Variants in PRH1 observed in about 807,000 individuals in gnomAD.
PRH1 encodes the protein salivary acidic proline-rich phosphoprotein 1/2.
PRH1 carries 7 observed loss-of-function variants against 7.9 expected under a neutral mutation model. The observed-to-expected ratio is 0.89, with a 90% CI of 0.50 to 1.67. PRH1 has a LOEUF of 1.67. Ranked by LOEUF, PRH1 falls within the 40% of genes most tolerant of loss-of-function variation. The pLI, the probability that PRH1 is intolerant of heterozygous loss-of-function variation, is 0.00. For missense variants in PRH1, 109 were observed against 223.6 expected (o/e 0.49, Z 3.27); for synonymous variants, 45 against 80.8 (o/e 0.56, Z 2.38).
intron 2 of PRH1, among the ~76,000 whole-genome samples, chr12:10,903,367 C>T (rs2135813224): frequency 6.6e-6 from 1 of 152,120 alleles, no homozygotes; most frequent in East Asian, 1.9e-4. Flanking sequence ...AAACAAGTAC[C>T]TCCAAACCTA....
intron 1 of PRH1, chr12:11,076,787 T>G (rs1420241608): frequency 8.7e-6 from 1 of 115,218 alleles, no homozygotes; most frequent in Non-Finnish European, 2.1e-5. Context: ...TCACTAAAAT[T>G]TTATTGTGTG....
intron 1 of PRH1, chr12:11,077,748 C>T (rs1161019899): frequency 8.2e-7 from 1 of 1,213,536 alleles, no homozygotes; most frequent in East Asian, 2.3e-5. Context: ...TCAATTTGAT[C>T]TTCCAAGTCA....
At chr12:10,965,364 C>A (rs1193758350) in intron 2 of PRH1, 2 of 1,089,132 alleles carry the variant, frequency 1.8e-6, no homozygotes, top group East Asian at 4.0e-5. Flanking sequence ...TCTGAACAGA[C>A]AAAAAGATAG....
intron 1 of PRH1, among the ~76,000 whole-genome samples, chr12:11,054,359 A>G (rs1230369139): frequency 1.3e-5 from 2 of 152,192 alleles, no homozygotes; most frequent in Non-Finnish European, 2.9e-5. Flanking sequence ...AAAGTGTATA[A>G]GCTTCATCTT....
At chr12:11,061,787 T>C (rs200171449) in intron 1 of PRH1, 3 of 1,482,672 alleles carry the variant, frequency 2.0e-6, no homozygotes, top group Middle Eastern at 1.7e-4. Context: ...TACATTGCAC[T>C]CCTCAGTTTG....
chr12:10,891,254 C>A (rs943278846), intron 2 of PRH1, among the ~76,000 whole-genome samples: 2 of 152,148 alleles, frequency 1.3e-5, no homozygotes, highest in African/African-American at 2.4e-5. Flanking sequence ...GAATAAGCAT[C>A]TGAATGTAAC....
At chr12:11,072,596 G>A (rs1944123474) in intron 1 of PRH1, among the ~76,000 whole-genome samples, 5 of 152,200 alleles carry the variant, frequency 3.3e-5, no homozygotes. Context: ...TACAGGGGAT[G>A]GTAGTCTTTT....
chr12:10,930,136 T>A, intron 2 of PRH1: 1 of 1,065,164 alleles, frequency 9.4e-7, no homozygotes, highest in Non-Finnish European at 1.4e-6. Flanking sequence ...TCCGGTAGCA[T>A]CAGAGAGTGG....
intron 2 of PRH1, among the ~76,000 whole-genome samples, 157 bp downstream of exon 2, chr12:10,882,904 C>T (rs35891122): frequency 0.017 from 2,549 of 152,138 alleles, 67 homozygotes; most frequent in Admixed American, 0.068. Flanking sequence ...ACTCATGGTC[C>T]CCAGAATCAA....
At chr12:11,044,910 G>T (rs911864203) in intron 1 of PRH1, among the ~76,000 whole-genome samples, 1 of 152,034 alleles carries the variant, frequency 6.6e-6, no homozygotes, top group East Asian at 1.9e-4. Flanking sequence ...TTTCTTAAAA[G>T]ACAAAAATTA....
At chr12:11,061,093 A>T (rs761399009) in intron 1 of PRH1, among the ~76,000 whole-genome samples, 1 of 152,148 alleles carries the variant, frequency 6.6e-6, no homozygotes, top group Non-Finnish European at 1.5e-5. Context: ...AATTTTTGTC[A>T]TATTTTGTAT....
rs1390525504 is a variant in PRH1, at chr12:11,096,338, T to C, written n.124-49150A>G. Among the ~76,000 whole-genome samples, 3 of 115,824 alleles carry C rather than the reference T, an allele frequency of 2.6e-5. 1 individual carries two copies. The highest frequency in any genetic ancestry group is 4.1e-5 in the Non-Finnish European group (2 of 48,938). 76.0% of individuals were successfully genotyped at this position (115,824 alleles called of 152,430 possible). The stretch of plus-strand genomic sequence containing the variant: ...ATGTTTAACTGGTTGTTAACGCTAT[T>C]GGATTCTCAAAATTGATGACCCTTT... On this transcript the variant is annotated intron_variant and non_coding_transcript_variant, in intron 1 of 4. Coordinates refer to the PRH1 transcript ENST00000541977.
At chr12:11,130,760 T>C (rs543091043) in intron 1 of PRH1, among the ~76,000 whole-genome samples, 1 of 152,266 alleles carries the variant, frequency 6.6e-6, no homozygotes, top group South Asian at 2.1e-4. Flanking sequence ...GTATACTCTG[T>C]CTGAAAAGCC....
intron 1 of PRH1, among the ~76,000 whole-genome samples, chr12:11,081,544 G>C (rs1430685923): frequency 8.6e-6 from 1 of 116,024 alleles, no homozygotes; most frequent in African/African-American, 2.9e-5. Context: ...CCTTCAATTT[G>C]AAAGAAACTA....
chr12:11,065,892 G>T (rs913649468), intron 1 of PRH1, among the ~76,000 whole-genome samples: 2 of 152,126 alleles, frequency 1.3e-5, no homozygotes, highest in Admixed American at 6.6e-5. Flanking sequence ...CTTGTCTGTT[G>T]CTGGGTCATC....
chr12:11,048,149 T>C (rs1175616847), upstream of PRH1, among the ~76,000 whole-genome samples: 2 of 83,622 alleles, frequency 2.4e-5, no homozygotes, highest in Non-Finnish European at 6.1e-5. Context: ...CACATATATG[T>C]GTGTGTGTGT....
intron 2 of PRH1, among the ~76,000 whole-genome samples, chr12:10,952,282 T>C (rs1937717604): frequency 6.6e-6 from 1 of 152,196 alleles, no homozygotes; most frequent in African/African-American, 2.4e-5. Flanking sequence ...GCCAAAATTA[T>C]GTTTGTATTC....
At chr12:10,932,268 A>C (rs575554682) in intron 2 of PRH1, 6 of 424,538 alleles carry the variant, frequency 1.4e-5, no homozygotes, top group Middle Eastern at 7.4e-4. Flanking sequence ...GCCTTGAAAC[A>C]TAATGTGATC....
At chr12:10,893,047 T>C (rs1295898363) in intron 2 of PRH1, among the ~76,000 whole-genome samples, 2 of 152,254 alleles carry the variant, frequency 1.3e-5, no homozygotes, top group Non-Finnish European at 2.9e-5. Flanking sequence ...TTTTCAGTCC[T>C]AATTGCTATT....
Sources: gnomAD v4.1 joint callset for allele counts (sites outside exome capture counted in the v4.1 genomes callset) on GRCh38, gnomAD v4.1.1 for gene constraint, MANE v1.5 for transcripts, NCBI Gene and HGNC (gene_info 2026-07-23, HGNC 2026-07-21) for gene names.